The following ZFYVE9 variants were observed in gnomAD, a reference collection of about 807,000 sequenced individuals.
ZFYVE9 encodes the protein zinc finger FYVE-type containing 9.
Under a neutral mutation model 126.7 loss-of-function variants are expected in ZFYVE9, and 43 were observed. The observed-to-expected ratio is 0.34, with a 90% CI of 0.27 to 0.44. The LOEUF (loss-of-function observed/expected upper bound fraction) is 0.44, where lower values mean the gene tolerates loss of function less well. ZFYVE9 is among the 20% of genes least tolerant of loss of function. The pLI, the probability that ZFYVE9 is intolerant of heterozygous loss-of-function variation, is 1.00. For missense variants in ZFYVE9, 1,476 were observed against 1,697.0 expected, an observed-to-expected ratio of 0.87 and a Z score of 2.29; for synonymous variants, 521 against 597.4, an observed-to-expected ratio of 0.87 and a Z score of 1.87.
rs755417791 is a variant in ZFYVE9 at position 52,346,140 on chromosome 1, G to A, written c.4197G>A (p.Val1399=). Residue 1399 remains valine (V), a synonymous_variant, in exon 19 of 19, where the codon GTG becomes GTA. Transcript: ENST00000287727. The stretch of plus-strand genomic sequence containing the variant: ...ATCTGGACAGCGCCTTGGTGCCGGT[G>A]ATCCATGGAGGGGCCTGCCAGCTTA... ...MNDLDSALVP[V]IHGGACQLSE... 1.2e-5 allele frequency: 19 copies of A among 1,613,418 alleles called. No homozygotes were observed. Among genetic ancestry groups the A allele is most frequent in the East Asian group, 6.7e-5 (3 of 44,882 alleles).
At chr1:52,264,680 T>C (rs1645615811) in intron 5 of ZFYVE9, among the ~76,000 whole-genome samples, 2 of 152,192 alleles carry the variant, frequency 1.3e-5, no homozygotes, top group African/African-American at 4.8e-5. Flanking sequence ...TGTGCCAGGA[T>C]AGTGTGCCTC....
intron 1 of ZFYVE9, among the ~76,000 whole-genome samples, chr1:52,198,113 TTTTTTTGTTTG>T (rs1227606908): frequency 2.4e-5 from 1 of 41,128 alleles, no homozygotes; most frequent in African/African-American, 7.8e-5. Context: ...TTGTAGTGTT[TTTTTTTGTTTG>T]TTTTTTTTTT....
chr1:52,284,958 A>G (rs1645844009), intron 10 of ZFYVE9, among the ~76,000 whole-genome samples: 1 of 152,222 alleles, frequency 6.6e-6, no homozygotes, highest in Non-Finnish European at 1.5e-5. Context: ...GAGACGAAAG[A>G]GTTTTTCCTT....
chr1:52,297,543 C>A (rs1645989761), intron 12 of ZFYVE9, among the ~76,000 whole-genome samples: 1 of 151,806 alleles, frequency 6.6e-6, no homozygotes, highest in Non-Finnish European at 1.5e-5. Flanking sequence ...CCAGCCAAAA[C>A]ACTTCTTAAT....
intron 8 of ZFYVE9, among the ~76,000 whole-genome samples, chr1:52,277,173 A>T (rs948708419): frequency 6.6e-6 from 1 of 152,152 alleles, no homozygotes; most frequent in African/African-American, 2.4e-5. Flanking sequence ...GTTGTTAAAA[A>T]GAGTCAGATT....
intron 10 of ZFYVE9, among the ~76,000 whole-genome samples, chr1:52,288,476 T>G (rs1645884824): frequency 6.6e-6 from 1 of 152,176 alleles, no homozygotes. Flanking sequence ...CTCTTGAGCT[T>G]TCATGATCAA....
intron 4 of ZFYVE9, among the ~76,000 whole-genome samples, chr1:52,262,423 A>C (rs930825695): frequency 1.3e-5 from 2 of 152,206 alleles, no homozygotes; most frequent in Admixed American, 1.3e-4. Context: ...AACTTGAGGA[A>C]GTCATTTAAC....
chr1:52,167,938 T>C (rs935511334), intron 1 of ZFYVE9, among the ~76,000 whole-genome samples: 5 of 152,124 alleles, frequency 3.3e-5, no homozygotes, highest in Admixed American at 6.6e-5. Flanking sequence ...GGCAAATAAA[T>C]TTAGGATTAG....
In ZFYVE9 at chr1:52,237,497, T is replaced by C. The variant is rs41309181; in HGVS notation, c.80T>C (p.Val27Ala). Residue 27 changes from valine to alanine, a missense_variant, in exon 4 of 19, where the codon GTT (valine) becomes GCT (alanine). Physicochemically the swap from Val to Ala is moderately conservative, Grantham distance 64. This residue lies in a region of ZFYVE9 where 807 missense variants were observed against 794.6 expected (regional missense o/e 1.02). Transcript: ENST00000287727. The stretch of plus-strand genomic sequence containing the variant: ...ACTTATTTTTTTCCAGATGAAACAG[T>C]TTCTTCTACTTTATTGGATACAAAG... Reference protein sequence around the residue: ...DEFEQNEDETVSSTLLDTKWN... With the variant: ...DEFEQNEDETASSTLLDTKWN... 5.7e-3 allele frequency: 9,081 copies of C among 1,594,586 alleles called. 132 individuals carry two copies. Among genetic ancestry groups the C allele is most frequent in the South Asian group, 0.039 (3,467 of 88,680 alleles).
At chr1:52,170,164 T>C (rs1180555653) in intron 1 of ZFYVE9, among the ~76,000 whole-genome samples, 6 of 152,224 alleles carry the variant, frequency 3.9e-5, no homozygotes, top group Non-Finnish European at 8.8e-5. Flanking sequence ...TTCTATAACA[T>C]TAATTTATGA....
At chr1:52,277,910 G>A (rs1569654237) in intron 8 of ZFYVE9, among the ~76,000 whole-genome samples, 1 of 152,146 alleles carries the variant, frequency 6.6e-6, no homozygotes, top group East Asian at 1.9e-4. Flanking sequence ...AGTGACATAT[G>A]TACTAAACTC....
At chr1:52,253,518 G>T in intron 4 of ZFYVE9, 1 of 656,022 alleles carries the variant, frequency 1.5e-6, no homozygotes, top group South Asian at 1.9e-5. Flanking sequence ...CACGTGGGTC[G>T]CTGGGGAACC....
At chr1:52,281,561 T>C in intron 9 of ZFYVE9, 100 bp from the exon 10 acceptor site, 2 of 1,333,264 alleles carry the variant, frequency 1.5e-6, no homozygotes, top group Non-Finnish European at 2.1e-6. Context: ...TGATCTATTT[T>C]AATCTTTGCT....
rs562910309 is a variant in ZFYVE9 at position 52,319,724 on chromosome 1, G to A, written c.3439-13044G>A. Among the ~76,000 whole-genome samples, 100 of 151,690 alleles carry A rather than the reference G, an allele frequency of 6.6e-4. 1 individual carries two copies. Among genetic ancestry groups the A allele is most frequent in the South Asian group, 1.2e-3 (6 of 4,808 alleles). ...GAAGAGCCAAAACAACTTTGAAAAA[G>A]AACATAATAGCCAGGCGCAGTGGCT... On this transcript the variant is annotated intron_variant, in intron 13 of 18. Transcript: ENST00000287727.
chr1:52,145,055 A>G (rs922561300), intron 1 of ZFYVE9, among the ~76,000 whole-genome samples: 1 of 152,226 alleles, frequency 6.6e-6, no homozygotes, highest in African/African-American at 2.4e-5. Context: ...GTTACAAGGT[A>G]GGTCAGACAA....
At chr1:52,320,786 CT>C (rs1057015822) in intron 13 of ZFYVE9, among the ~76,000 whole-genome samples, 1 of 152,052 alleles carries the variant, frequency 6.6e-6, no homozygotes, top group Admixed American at 6.6e-5. Flanking sequence ...TTGCAAGTGC[CT>C]TTTTATGAGT....
At position 52,255,898 on chromosome 1, in the gene ZFYVE9, T is replaced by TTTTTCTTTTCTTTTCTTTTC; in HGVS notation, c.2179-7821_2179-7802dup. The stretch of plus-strand genomic sequence containing the variant: ...TTCATTGAGTTTGAGCTATTTTGCT[T>TTTTTCTTTTCTTTTCTTTTC]TTTTCTTTTCTTTTCTTTTCTTTTC... On this transcript the variant is annotated intron_variant, in intron 4 of 18. Coordinates refer to ENST00000287727, the MANE Select transcript of ZFYVE9 (RefSeq NM_004799.4). Among the ~76,000 whole-genome samples, 352 of 102,122 alleles carry TTTTTCTTTTCTTTTCTTTTC rather than the reference T, an allele frequency of 3.4e-3. 5 individuals are homozygous for TTTTTCTTTTCTTTTCTTTTC. Among genetic ancestry groups the TTTTTCTTTTCTTTTCTTTTC allele is most frequent in the Middle Eastern group, 5.3e-3 (1 of 190 alleles). 67.0% of individuals were successfully genotyped at this position (102,122 alleles called of 152,430 possible).
chr1:52,295,882 C>G lies in ZFYVE9; in HGVS notation c.3251-13C>G. 6.2e-7 allele frequency: 1 copy of G among 1,606,278 alleles called. No individual in the cohort carries two copies. The highest frequency in any genetic ancestry group is 8.5e-7 in the Non-Finnish European group (1 of 1,177,316). ...TTGCCAAATTTAAGTTTGATCATTTCTCATTTCCATAGTTTATCCATGCCC... is the reference window on the plus strand; with the variant it reads ...TTGCCAAATTTAAGTTTGATCATTTGTCATTTCCATAGTTTATCCATGCCC... On this transcript the variant is annotated splice_polypyrimidine_tract_variant and intron_variant, in intron 11 of 18. Transcript: ENST00000287727.
intron 1 of ZFYVE9, among the ~76,000 whole-genome samples, chr1:52,182,790 TC>T (rs757012799): frequency 4.5e-4 from 69 of 152,066 alleles, no homozygotes; most frequent in Non-Finnish European, 7.6e-4. Flanking sequence ...ATTTTGGAAC[TC>T]TTTTTTAAAT....
Sources: gnomAD v4.1 joint callset for allele counts (sites outside exome capture counted in the v4.1 genomes callset) on GRCh38, gnomAD v4.1.1 for gene constraint, gnomAD v4.1.1 regional missense constraint, MANE v1.5 for transcripts, NCBI Gene and HGNC (gene_info 2026-07-23, HGNC 2026-07-21) for gene names.